DLG2: variants seen among roughly 807,000 people sequenced by gnomAD.
DLG2 encodes discs large MAGUK scaffold protein 2, also known as disks large homolog 2.
Under a neutral mutation model 132.5 loss-of-function variants are expected in DLG2, and 45 were observed. The observed-to-expected ratio is 0.34, with a 90% CI of 0.27 to 0.44. The LOEUF (loss-of-function observed/expected upper bound fraction) is 0.44. Ranked by LOEUF, DLG2 falls within the 20% of genes least tolerant of loss-of-function variation. DLG2 has a pLI of 1.00. For missense variants in DLG2, 1,045 were observed against 1,196.9 expected (o/e 0.87, Z 1.87); for synonymous variants, 424 against 419.6 (o/e 1.01, Z -0.13).
rs139952958 is a variant in DLG2, at chr11:84,487,741, G to T, written c.519+46829C>A. Among the ~76,000 whole-genome samples the T allele has an allele frequency of 1.3e-5, 2 of 152,192 alleles. 1 individual carries two copies. Among genetic ancestry groups the T allele is most frequent in the East Asian group, 3.9e-4 (2 of 5,166 alleles). ...GAAGATAATTAAGAAAAACCATGGG[G>T]ATTGTGTAAAGGACACAGCTGGGAA... is the stretch of plus-strand genomic sequence containing the variant. On this transcript the variant is annotated intron_variant, in intron 7 of 27. Coordinates refer to ENST00000376104, the MANE Select transcript of DLG2 (RefSeq NM_001142699.3).
At chr11:83,875,797 A>T (rs2064629327) in intron 15 of DLG2, among the ~76,000 whole-genome samples, 3 of 152,192 alleles carry the variant, frequency 2.0e-5, no homozygotes, top group Non-Finnish European at 4.4e-5. Flanking sequence ...GAATCAAACT[A>T]CAGGCTGCAG....
chr11:84,744,024 G>A (rs1173942829), intron 6 of DLG2, among the ~76,000 whole-genome samples: 6 of 152,062 alleles, frequency 3.9e-5, no homozygotes, highest in African/African-American at 9.7e-5. Context: ...GTGCCCGGCC[G>A]GAAACAGAAG....
At chr11:84,857,691 T>A (rs1271446109) in intron 6 of DLG2, among the ~76,000 whole-genome samples, 4 of 152,082 alleles carry the variant, frequency 2.6e-5, no homozygotes, top group African/African-American at 9.7e-5. Flanking sequence ...TGTCTCCCCA[T>A]CTAATCCAGA....
At chr11:83,805,860 T>C (rs2045770973) in intron 17 of DLG2, among the ~76,000 whole-genome samples, 1 of 152,130 alleles carries the variant, frequency 6.6e-6, no homozygotes, top group Non-Finnish European at 1.5e-5. Flanking sequence ...AGTCCTCCCA[T>C]ATCATTGGTG....
intron 18 of DLG2, among the ~76,000 whole-genome samples, chr11:83,659,896 C>T (rs1327663066): frequency 6.6e-6 from 1 of 152,188 alleles, no homozygotes; most frequent in African/African-American, 2.4e-5. Flanking sequence ...GGGGTCATGT[C>T]ATTCTTTTCA....
At chr11:83,583,132 A>T (rs1011694409) in intron 19 of DLG2, among the ~76,000 whole-genome samples, 4 of 152,272 alleles carry the variant, frequency 2.6e-5, no homozygotes, top group Non-Finnish European at 5.9e-5. Flanking sequence ...AAAGTGCACT[A>T]GTTAAATAAG....
intron 17 of DLG2, among the ~76,000 whole-genome samples, chr11:83,810,934 G>A (rs1406743325): frequency 6.6e-6 from 1 of 152,012 alleles, no homozygotes; most frequent in Non-Finnish European, 1.5e-5. Context: ...AGAAAGTCAA[G>A]CTTTCTATGC....
chr11:84,411,746 C>T (rs1032409756), intron 7 of DLG2, among the ~76,000 whole-genome samples: 4 of 152,198 alleles, frequency 2.6e-5, no homozygotes, highest in African/African-American at 9.7e-5. Context: ...TAGTATTACA[C>T]AACACATAGT....
At chr11:84,965,273 G>T (rs186614362) in intron 6 of DLG2, among the ~76,000 whole-genome samples, 3 of 151,890 alleles carry the variant, frequency 2.0e-5, no homozygotes, top group Non-Finnish European at 4.4e-5. Flanking sequence ...CAGTGGCTGG[G>T]TTTTTGTGTG....
At chr11:83,774,399 C>T (rs76359058) in intron 18 of DLG2, among the ~76,000 whole-genome samples, 156 of 152,248 alleles carry the variant, frequency 1.0e-3, no homozygotes, top group African/African-American at 3.6e-3. Context: ...TTTATATGTA[C>T]GCCTTCGTTT....
intron 7 of DLG2, among the ~76,000 whole-genome samples, chr11:84,443,271 C>T (rs1005341010): frequency 6.6e-6 from 1 of 152,108 alleles, no homozygotes; most frequent in Admixed American, 6.5e-5. Flanking sequence ...AATATTTTGT[C>T]ATATTTGATT....
chr11:84,404,194 A>C (rs2098840577), intron 7 of DLG2, among the ~76,000 whole-genome samples: 1 of 152,068 alleles, frequency 6.6e-6, no homozygotes, highest in African/African-American at 2.4e-5. Context: ...TGCCGCTCTC[A>C]TCTAACATTC....
intron 3 of DLG2, among the ~76,000 whole-genome samples, chr11:85,530,660 T>A (rs2153191529): frequency 6.6e-6 from 1 of 152,302 alleles, no homozygotes; most frequent in East Asian, 1.9e-4. Context: ...CTAATAGAGT[T>A]TCTGAGTTTG....
chr11:84,677,411 C>T (rs1203213277), intron 6 of DLG2, among the ~76,000 whole-genome samples: 1 of 151,918 alleles, frequency 6.6e-6, no homozygotes, highest in Non-Finnish European at 1.5e-5. Flanking sequence ...GTGAAGACAT[C>T]ATTATAAGAA....
chr11:84,261,270 T>C (rs1328973415), intron 7 of DLG2, among the ~76,000 whole-genome samples: 4 of 152,192 alleles, frequency 2.6e-5, no homozygotes, highest in Admixed American at 2.6e-4. Context: ...CAGGCAAGGA[T>C]CCTTACTACT....
intron 6 of DLG2, among the ~76,000 whole-genome samples, chr11:84,986,114 T>C (rs1285572813): frequency 7.1e-6 from 1 of 140,154 alleles, no homozygotes; most frequent in East Asian, 2.1e-4. Flanking sequence ...ACAAATGAAA[T>C]GAGAGATATT....
intron 6 of DLG2, among the ~76,000 whole-genome samples, chr11:84,696,472 T>C (rs1205383851): frequency 1.3e-5 from 2 of 151,428 alleles, no homozygotes; most frequent in Non-Finnish European, 3.0e-5. Context: ...TTGCTGTTGA[T>C]AGAGTGTTTA....
chr11:84,407,793 T>C (rs887689957), intron 7 of DLG2, among the ~76,000 whole-genome samples: 1 of 152,220 alleles, frequency 6.6e-6, no homozygotes, highest in African/African-American at 2.4e-5. Context: ...CGATAGCCTG[T>C]GGTAGAATGA....
chr11:83,511,087 G>GAAACACACACACAC (rs2094998613), intron 21 of DLG2, among the ~76,000 whole-genome samples: 1 of 138,552 alleles, frequency 7.2e-6, no homozygotes, highest in South Asian at 2.3e-4. Flanking sequence ...CACACACACA[G>GAAACACACACACAC]ACACACACAC....
Sources: allele counts gnomAD v4.1 joint callset (sites outside exome capture counted in the v4.1 genomes callset), GRCh38; gene constraint gnomAD v4.1.1; transcripts MANE v1.5; gene names NCBI Gene and HGNC (gene_info 2026-07-23, HGNC 2026-07-21).